The following PVT1 variants were observed in gnomAD, a reference collection of about 807,000 sequenced individuals.
The protein encoded by PVT1 is Pvt1 oncogene.
At chr8:127,931,280 T>G (rs1222294319) in intron 3 of PVT1, among the ~76,000 whole-genome samples, 1 of 152,184 alleles carries the variant, frequency 6.6e-6, no homozygotes, top group Non-Finnish European at 1.5e-5. Context: ...TTTCCATTTA[T>G]GTTTCCAGGG....
chr8:128,073,499 C>T (rs1814025979), intron 5 of PVT1, among the ~76,000 whole-genome samples: 1 of 152,090 alleles, frequency 6.6e-6, no homozygotes, highest in South Asian at 2.1e-4. Flanking sequence ...TTGGTAAATG[C>T]AGACTTTTGA....
At chr8:127,882,997 G>T (rs939208725) in intron 2 of PVT1, among the ~76,000 whole-genome samples, 1 of 151,782 alleles carries the variant, frequency 6.6e-6, no homozygotes, top group African/African-American at 2.4e-5. Context: ...ATACACACAT[G>T]TGCACATACA....
chr8:127,817,523 ATT>A (rs1177734363), intron 2 of PVT1, among the ~76,000 whole-genome samples: 1 of 31,308 alleles, frequency 3.2e-5, no homozygotes, highest in East Asian at 5.8e-4. Context: ...AGATATATCT[ATT>A]TAAATATATA....
At chr8:127,998,033 T>C (rs1444201730) in intron 4 of PVT1, among the ~76,000 whole-genome samples, 5 of 152,224 alleles carry the variant, frequency 3.3e-5, no homozygotes, top group Non-Finnish European at 7.3e-5. Context: ...GCCACAGAGG[T>C]AAAGTTCCGC....
intron 4 of PVT1, among the ~76,000 whole-genome samples, chr8:127,992,013 A>G (rs1383592521): frequency 2.0e-5 from 3 of 149,856 alleles, no homozygotes; most frequent in African/African-American, 7.4e-5. Context: ...TCCACTTCCC[A>G]CTGCCTATTT....
intron 2 of PVT1, among the ~76,000 whole-genome samples, chr8:127,883,062 T>TCACACACACACACA (rs10637867): frequency 1.4e-5 from 2 of 147,884 alleles, no homozygotes; most frequent in African/African-American, 2.5e-5. Flanking sequence ...TGCACACACA[T>TCACACACACACACA]CACACACACA....
intron 4 of PVT1, among the ~76,000 whole-genome samples, chr8:128,053,775 G>A (rs990134139): frequency 1.3e-5 from 2 of 152,194 alleles, no homozygotes; most frequent in Non-Finnish European, 2.9e-5. Flanking sequence ...CTCAGCATCT[G>A]TCAGCAGGTA....
intron 2 of PVT1, among the ~76,000 whole-genome samples, chr8:127,824,452 C>T (rs1406807349): frequency 9.9e-5 from 15 of 152,150 alleles, no homozygotes; most frequent in Admixed American, 9.8e-4. Context: ...GCCACCACTC[C>T]CAGCCAGGTT....
chr8:128,065,560 G>T (rs79381164), intron 4 of PVT1, among the ~76,000 whole-genome samples: 2,561 of 152,236 alleles, frequency 0.017, 59 homozygotes, highest in African/African-American at 0.058. Flanking sequence ...AGGCCAGTCT[G>T]AAACTTGGCC....
At chr8:127,927,673 G>A (rs1446148152) in intron 3 of PVT1, among the ~76,000 whole-genome samples, 1 of 152,080 alleles carries the variant, frequency 6.6e-6, no homozygotes, top group Non-Finnish European at 1.5e-5. Context: ...TGGGATTCTG[G>A]CCATACCCCC....
chr8:127,854,127 C>A (rs933959679), intron 2 of PVT1, among the ~76,000 whole-genome samples: 2 of 149,850 alleles, frequency 1.3e-5, no homozygotes, highest in African/African-American at 5.0e-5. Flanking sequence ...GCAGGCCTCA[C>A]CCCTGCGGCA....
intron 3 of PVT1, among the ~76,000 whole-genome samples, chr8:127,976,824 A>G (rs540923058): frequency 3.7e-4 from 57 of 152,250 alleles, no homozygotes; most frequent in Non-Finnish European, 7.2e-4. Flanking sequence ...GCTCAGCAGC[A>G]AGGCCTGTCT....
chr8:128,064,368 A>G (rs150246278), intron 4 of PVT1, among the ~76,000 whole-genome samples: 150 of 152,340 alleles, frequency 9.8e-4, no homozygotes, highest in Non-Finnish European at 1.9e-3. Flanking sequence ...GCACACATGC[A>G]AAATGTAAGC....
chr8:128,002,791 T>C (rs1387778693), intron 4 of PVT1, among the ~76,000 whole-genome samples: 9 of 152,244 alleles, frequency 5.9e-5, no homozygotes, highest in Non-Finnish European at 4.4e-5. Flanking sequence ...TTCTGGGAGT[T>C]AGGACTTCAA....
intron 3 of PVT1, among the ~76,000 whole-genome samples, chr8:127,970,121 A>T (rs115680105): frequency 5.4e-4 from 82 of 152,142 alleles, no homozygotes; most frequent in African/African-American, 2.0e-3. Context: ...AGGCCTTACC[A>T]TATGAGCAGG....
chr8:128,000,328 C>T (rs10087240), intron 4 of PVT1, among the ~76,000 whole-genome samples: 70,325 of 152,000 alleles, frequency 0.46, 16,594 homozygotes, highest in East Asian at 0.62. Flanking sequence ...AGGCAGGCAA[C>T]AAAAATAAGT....
chr8:128,018,057 A>T (rs1251392921), intron 4 of PVT1, among the ~76,000 whole-genome samples: 1 of 152,198 alleles, frequency 6.6e-6, no homozygotes, highest in African/African-American at 2.4e-5. Context: ...GTGTGTTTAT[A>T]ACCATGAAAA....
At chr8:127,844,662 A>G (rs4332094) in intron 2 of PVT1, among the ~76,000 whole-genome samples, 52,239 of 151,266 alleles carry the variant, frequency 0.35, 9,204 homozygotes, top group Non-Finnish European at 0.38. Context: ...CATCCACTCG[A>G]CTGAACTTCT....
intron 2 of PVT1, among the ~76,000 whole-genome samples, chr8:127,853,432 T>C (rs1815126581): frequency 6.6e-6 from 1 of 152,056 alleles, no homozygotes; most frequent in South Asian, 2.1e-4. Flanking sequence ...AGCCTTTCCA[T>C]AGGGGTGTGG....
Sources: allele counts gnomAD v4.1 joint callset (sites outside exome capture counted in the v4.1 genomes callset), GRCh38; gene constraint gnomAD v4.1.1; transcripts MANE v1.5; gene names NCBI Gene and HGNC (gene_info 2026-07-23, HGNC 2026-07-21).